The following PCDH11X variants were observed in gnomAD, a reference collection of about 807,000 sequenced individuals.
PCDH11X encodes the protein protocadherin 11 X-linked, also known as protocadherin-11 X-linked.
In PCDH11X, 18 loss-of-function variants were observed where a neutral mutation model predicts 53.3. The observed-to-expected ratio is 0.34, with a 90% CI of 0.23 to 0.50. The LOEUF (loss-of-function observed/expected upper bound fraction) is 0.50, where lower values mean the gene tolerates loss of function less well. PCDH11X is among the 20% of genes least tolerant of loss of function. The probability of loss-of-function intolerance (pLI) is 0.98; values close to 1 mark genes in which losing one functional copy is unlikely to be tolerated. For synonymous variants in PCDH11X, 279 were observed against 393.3 expected (o/e 0.71, Z 3.44); for missense variants, 570 against 1,032.4 (o/e 0.55, Z 6.14).
chrX:92,592,866 T>C (rs1269441582), intron 10 of PCDH11X, among the ~76,000 whole-genome samples: 2 of 112,230 alleles, frequency 1.8e-5, no homozygotes, highest in Non-Finnish European at 3.8e-5. Context: ...GATGTTGTTT[T>C]AAAGTCCCTG....
intron 10 of PCDH11X, among the ~76,000 whole-genome samples, chrX:92,546,255 G>A (rs1238527950): frequency 1.8e-5 from 2 of 110,905 alleles, no homozygotes; most frequent in Non-Finnish European, 3.8e-5. Context: ...GTGGAACAAA[G>A]AATATAATCT....
At chrX:92,222,721 G>T (rs1036298171) in intron 7 of PCDH11X, among the ~76,000 whole-genome samples, 4 of 111,451 alleles carry the variant, frequency 3.6e-5, no homozygotes, top group African/African-American at 1.3e-4. Context: ...ATCTCCGTAG[G>T]TATACTAAGG....
chrX:92,606,676 C>G (rs1926860853), intron 10 of PCDH11X, among the ~76,000 whole-genome samples: 1 of 110,939 alleles, frequency 9.0e-6, no homozygotes. Flanking sequence ...CATTATACCT[C>G]ATCAACTTCA....
chrX:92,341,665 GC>G (rs1271934842), intron 8 of PCDH11X, among the ~76,000 whole-genome samples: 2 of 111,090 alleles, frequency 1.8e-5, no homozygotes, highest in Admixed American at 1.9e-4. Flanking sequence ...ACACACTATT[GC>G]AAGGACAACA....
chrX:92,256,481 C>T (rs947990257), intron 7 of PCDH11X, among the ~76,000 whole-genome samples: 3 of 111,664 alleles, frequency 2.7e-5, no homozygotes, highest in African/African-American at 9.8e-5. Context: ...GGTTTGTGTA[C>T]ATTGAACCAT....
Position 92,522,676 on chromosome X carries a change from G to A in PCDH11X, c.3367+54354G>A, listed in dbSNP as rs756937490. ...GTATGCTTGTAAATGTTATATTATT[G>A]TGTTTACAACATGCTGCGCTGAGCA... On this transcript the variant is annotated intron_variant, in intron 10 of 10. Transcript: ENST00000682573. Among the ~76,000 whole-genome samples the A allele has an allele frequency of 1.6e-3, 182 of 112,250 alleles. 1 individual carries two copies. Among genetic ancestry groups the A allele is most frequent in the African/African-American group, 5.6e-3 (174 of 30,969 alleles).
Position 92,618,965 on chromosome X carries a change from T to C in PCDH11X, c.*25T>C. ...AAGCTAAAATAGTTACTTCAAATTT[T>C]CAGAAAAGATGTATATAGTCAAAAT... On this transcript the variant is annotated 3_prime_UTR_variant, in exon 11 of 11. Coordinates refer to ENST00000682573, the MANE Select transcript of PCDH11X (RefSeq NM_032968.5). The C allele has an allele frequency of 8.3e-7, 1 of 1,201,142 alleles. No homozygotes were observed. The highest frequency in any genetic ancestry group is 1.1e-6 in the Non-Finnish European group (1 of 886,236).
At chrX:91,865,893 G>C (rs1938956200) in intron 5 of PCDH11X, among the ~76,000 whole-genome samples, 1 of 110,661 alleles carries the variant, frequency 9.0e-6, no homozygotes, top group Non-Finnish European at 1.9e-5. Context: ...CACCCTTCAG[G>C]GTAATGGGCT....
Position 92,062,111 on chromosome X carries a change from C to G in PCDH11X, c.3034-139264C>G, listed in dbSNP as rs1371247606. On this transcript the variant is annotated intron_variant, in intron 6 of 10. Transcript: ENST00000682573. ...ATAGGATTGTGTTCTTGATATGGCT[C>G]TCGGTTTGGATGTTGTTGGTGTATA... Among the ~76,000 whole-genome samples the G allele has an allele frequency of 5.4e-5, 6 of 110,163 alleles. No homozygotes were observed. The Admixed American group carries it at 5.9e-4, about 11-fold the overall frequency.
At chrX:92,345,890 T>G (rs1193917608) in intron 8 of PCDH11X, among the ~76,000 whole-genome samples, 2 of 74,071 alleles carry the variant, frequency 2.7e-5, no homozygotes, top group Non-Finnish European at 5.4e-5. Context: ...TTAGTACCTG[T>G]TTTTTTTTTT....
intron 5 of PCDH11X, among the ~76,000 whole-genome samples, chrX:91,841,068 T>C (rs928644791): frequency 5.4e-5 from 6 of 110,544 alleles, no homozygotes; most frequent in African/African-American, 2.0e-4. Flanking sequence ...AATCAAATGC[T>C]AACGACTATG....
chrX:92,072,664 G>A (rs1369404727), intron 6 of PCDH11X, among the ~76,000 whole-genome samples: 1 of 111,471 alleles, frequency 9.0e-6, no homozygotes, highest in Non-Finnish European at 1.9e-5. Context: ...TGGTATCTAT[G>A]ATGCAATACA....
At chrX:92,463,243 C>G (rs1031782869) in intron 9 of PCDH11X, among the ~76,000 whole-genome samples, 2 of 111,381 alleles carry the variant, frequency 1.8e-5, no homozygotes, top group African/African-American at 6.5e-5. Flanking sequence ...TCTGCCAAAG[C>G]AAGATTTTAT....
At chrX:92,456,278 A>C (rs757628002) in intron 9 of PCDH11X, among the ~76,000 whole-genome samples, 1 of 111,844 alleles carries the variant, frequency 8.9e-6, no homozygotes, top group African/African-American at 3.2e-5. Flanking sequence ...AATTTCAGTC[A>C]AATTCTTAGC....
chrX:92,282,228 A>C (rs2068265606), intron 8 of PCDH11X, among the ~76,000 whole-genome samples: 2 of 111,667 alleles, frequency 1.8e-5, no homozygotes, highest in Non-Finnish European at 3.8e-5. Context: ...ATAGCTAATA[A>C]ATGACTAAGT....
chrX:92,031,106 G>A (rs913199277), intron 6 of PCDH11X, among the ~76,000 whole-genome samples: 10 of 111,261 alleles, frequency 9.0e-5, no homozygotes, highest in Non-Finnish European at 1.7e-4. Context: ...CCCACTAACA[G>A]GGTACAAGAG....
chrX:92,332,390 G>A (rs770310399), intron 8 of PCDH11X, among the ~76,000 whole-genome samples: 9 of 110,206 alleles, frequency 8.2e-5, no homozygotes, highest in African/African-American at 3.0e-4. Context: ...GTGTGTGTGT[G>A]TGCATGCATG....
chrX:91,894,721 T>A (rs1327765543), intron 6 of PCDH11X, among the ~76,000 whole-genome samples: 1 of 111,436 alleles, frequency 9.0e-6, no homozygotes, highest in Non-Finnish European at 1.9e-5. Flanking sequence ...CCATTTTTTT[T>A]GTTTCATGGA....
intron 10 of PCDH11X, among the ~76,000 whole-genome samples, chrX:92,593,378 T>G (rs1925236903): frequency 8.9e-6 from 1 of 111,845 alleles, no homozygotes; most frequent in Non-Finnish European, 1.9e-5. Context: ...ATTGCTTGCT[T>G]ACCAGGTTTT....
Sources: allele counts gnomAD v4.1 joint callset (sites outside exome capture counted in the v4.1 genomes callset), GRCh38; gene constraint gnomAD v4.1.1; transcripts MANE v1.5; gene names NCBI Gene and HGNC (gene_info 2026-07-23, HGNC 2026-07-21).